CCDC171: variants seen among roughly 807,000 people sequenced by gnomAD.
The protein encoded by CCDC171 is coiled-coil domain containing 171.
In CCDC171, 177 loss-of-function variants were observed where a neutral mutation model predicts 168.2. That is an observed-to-expected ratio of 1.05 (90% CI 0.93 to 1.19). CCDC171 has a LOEUF of 1.19. Among genes scored for constraint, CCDC171 ranks in the 50% most tolerant of loss-of-function variants. The probability of loss-of-function intolerance (pLI) is 0.00; values close to 1 mark genes in which losing one functional copy is unlikely to be tolerated. For synonymous variants in CCDC171, 687 were observed against 540.8 expected (o/e 1.27, Z -3.75); for missense variants, 1,991 against 1,539.0 (o/e 1.29, Z -4.91).
chr9:15,878,895 A>G (rs1192057450), intron 24 of CCDC171, among the ~76,000 whole-genome samples: 3 of 152,162 alleles, frequency 2.0e-5, no homozygotes, highest in African/African-American at 7.2e-5. Context: ...CAAACACCAC[A>G]TGTTCTTGTA....
intron 7 of CCDC171, among the ~76,000 whole-genome samples, chr9:15,624,999 T>C (rs1326300391): frequency 1.3e-5 from 2 of 152,218 alleles, no homozygotes; most frequent in Non-Finnish European, 2.9e-5. Flanking sequence ...TTTTTAATGA[T>C]TGCCATTCTA....
Position 15,749,536 on chromosome 9 carries a change from A to C in CCDC171, c.2671+3905A>C, listed in dbSNP as rs547149616. 2.0e-5 allele frequency among the ~76,000 whole-genome samples: 3 copies of C among 152,344 alleles called. No individual in the cohort carries two copies. The South Asian group carries it at 6.2e-4, about 32-fold the overall frequency. Reference sequence around the variant, plus strand: ...GAATAAACATTCTTCTCAGCACCACATCACACTTATTCTAAAATTGACCAC... The same window carrying C: ...GAATAAACATTCTTCTCAGCACCACCTCACACTTATTCTAAAATTGACCAC... On this transcript the variant is annotated intron_variant, in intron 18 of 25. Coordinates refer to ENST00000380701, the MANE Select transcript of CCDC171 (RefSeq NM_173550.4).
intron 24 of CCDC171, among the ~76,000 whole-genome samples, chr9:15,897,232 A>C (rs980672574): frequency 3.6e-4 from 55 of 152,198 alleles, no homozygotes; most frequent in African/African-American, 1.3e-3. Flanking sequence ...GATACATAGC[A>C]CATTATCATT....
chr9:15,836,723 A>G (rs1332867468), intron 21 of CCDC171, among the ~76,000 whole-genome samples: 1 of 152,186 alleles, frequency 6.6e-6, no homozygotes, highest in Non-Finnish European at 1.5e-5. Context: ...TTTTGCTTCT[A>G]GTCACATTTC....
intron 10 of CCDC171, among the ~76,000 whole-genome samples, chr9:15,685,914 C>G (rs1006275202): frequency 6.6e-6 from 1 of 152,058 alleles, no homozygotes; most frequent in African/African-American, 2.4e-5. Context: ...TAGTAATTTT[C>G]AGGTAGATGA....
chr9:15,683,978 A>T (rs538549749), intron 10 of CCDC171, among the ~76,000 whole-genome samples: 7 of 152,254 alleles, frequency 4.6e-5, no homozygotes, highest in African/African-American at 1.7e-4. Context: ...GAAGTGGCAT[A>T]GGTAAACAAG....
upstream of CCDC171, among the ~76,000 whole-genome samples, chr9:16,039,057 G>A (rs1261993857): frequency 6.6e-6 from 1 of 152,220 alleles, no homozygotes; most frequent in Non-Finnish European, 1.5e-5. Flanking sequence ...TAACACATCT[G>A]TCTCAGGGAA....
At chr9:15,834,634 A>C (rs376277148) in intron 21 of CCDC171, among the ~76,000 whole-genome samples, 1 of 152,164 alleles carries the variant, frequency 6.6e-6, no homozygotes. Flanking sequence ...ATTATTTTCT[A>C]TGTTTTAGTT....
intron 18 of CCDC171, among the ~76,000 whole-genome samples, chr9:15,753,930 T>C (rs766018621): frequency 1.3e-5 from 2 of 152,198 alleles, no homozygotes; most frequent in Non-Finnish European, 2.9e-5. Flanking sequence ...CCTCTCTGGA[T>C]ATAACTTGAC....
intron 23 of CCDC171, among the ~76,000 whole-genome samples, chr9:15,865,442 G>C (rs1380969934): frequency 1.3e-5 from 2 of 151,030 alleles, no homozygotes; most frequent in African/African-American, 4.9e-5. Flanking sequence ...GGTTCGAATT[G>C]TGTGGGTCCA....
chr9:16,086,398 C>G, the CCDC171 span, among the ~76,000 whole-genome samples: 1 of 151,298 alleles, frequency 6.6e-6, no homozygotes, highest in Non-Finnish European at 1.5e-5. Flanking sequence ...ACCTCTACCT[C>G]TTGGGTTCAG....
chr9:15,952,751 G>T (rs1244348190), intron 25 of CCDC171, among the ~76,000 whole-genome samples: 2 of 152,176 alleles, frequency 1.3e-5, no homozygotes, highest in East Asian at 3.9e-4. Context: ...GGAGTGCATC[G>T]ACTCTGTAGA....
rs142582550 is a variant in CCDC171 at position 15,676,494 on chromosome 9, G to A, written c.1077-2264G>A. On this transcript the variant is annotated intron_variant, in intron 9 of 25. Coordinates refer to ENST00000380701, the MANE Select transcript of CCDC171 (RefSeq NM_173550.4). ...TGCGTTGATCTCTGTGGGAGCTGCA[G>A]ACTGGAGCTGTTCCTATTTGGCCAT... Among the ~76,000 whole-genome samples the A allele has an allele frequency of 7.6e-3, 1,159 of 151,798 alleles. 14 individuals carry two copies. The highest frequency in any genetic ancestry group is 0.02 in the Middle Eastern group (6 of 294).
chr9:16,001,394 A>G (rs1427885057), intron 3 of CCDC171, among the ~76,000 whole-genome samples: 1 of 150,814 alleles, frequency 6.6e-6, no homozygotes, highest in East Asian at 1.9e-4. Context: ...GTTTTCTCAT[A>G]TGTATGTGTG....
intron 7 of CCDC171, among the ~76,000 whole-genome samples, chr9:15,634,701 G>C (rs1371529819): frequency 6.6e-6 from 1 of 152,048 alleles, no homozygotes; most frequent in Non-Finnish European, 1.5e-5. Context: ...ACAATTCAGT[G>C]GTTTTTAGTG....
chr9:15,827,145 A>G (rs1420843688), intron 21 of CCDC171, among the ~76,000 whole-genome samples: 2 of 152,082 alleles, frequency 1.3e-5, no homozygotes, highest in African/African-American at 4.8e-5. Context: ...CTAGTTGCCT[A>G]TTGCTCCCTT....
chr9:15,595,022 A>G (rs1056679668), intron 6 of CCDC171, among the ~76,000 whole-genome samples: 2 of 152,232 alleles, frequency 1.3e-5, no homozygotes, highest in Non-Finnish European at 2.9e-5. Flanking sequence ...ATAGATGTCA[A>G]AGATATGCAT....
chr9:16,101,643 A>G, the CCDC171 span, among the ~76,000 whole-genome samples: 1 of 152,266 alleles, frequency 6.6e-6, no homozygotes, highest in South Asian at 2.1e-4. Flanking sequence ...GAGTCCAGAG[A>G]AAAAGGAAGT....
intron 24 of CCDC171, among the ~76,000 whole-genome samples, chr9:15,891,167 T>G (rs566878331): frequency 1.3e-5 from 2 of 152,288 alleles, no homozygotes; most frequent in South Asian, 4.1e-4. Context: ...AATTCATAAA[T>G]AAAACTAACA....
Sources: allele counts gnomAD v4.1 joint callset (sites outside exome capture counted in the v4.1 genomes callset), GRCh38; gene constraint gnomAD v4.1.1; transcripts MANE v1.5; gene names NCBI Gene and HGNC (gene_info 2026-07-23, HGNC 2026-07-21).